FAM13A: variants seen among roughly 807,000 people sequenced by gnomAD.
The protein encoded by FAM13A is protein FAM13A.
In FAM13A, 76 loss-of-function variants were observed where a neutral mutation model predicts 129.6. That is an observed-to-expected ratio of 0.59 (90% CI 0.49 to 0.71). The LOEUF (loss-of-function observed/expected upper bound fraction) is 0.71, where lower values mean the gene tolerates loss of function less well. Among genes scored for constraint, FAM13A ranks in the 30% least tolerant of loss-of-function variants. The pLI, the probability that FAM13A is intolerant of heterozygous loss-of-function variation, is 0.00. For synonymous variants in FAM13A, 443 were observed against 449.9 expected (o/e 0.98, Z 0.20); for missense variants, 1,108 against 1,249.3 (o/e 0.89, Z 1.70).
chr4:88,957,013 C>T (rs1009291846), intron 4 of FAM13A, among the ~76,000 whole-genome samples: 4 of 152,142 alleles, frequency 2.6e-5, no homozygotes, highest in African/African-American at 9.7e-5. Flanking sequence ...ATTCTGAGTT[C>T]ACATGAAATC....
chr4:88,829,454 T>G (rs1226564396), intron 7 of FAM13A, among the ~76,000 whole-genome samples: 1 of 152,146 alleles, frequency 6.6e-6, no homozygotes, highest in Non-Finnish European at 1.5e-5. Context: ...CTTCCTCATA[T>G]TCTTGTCAAT....
chr4:88,887,333 A>G (rs1744586834), intron 6 of FAM13A, among the ~76,000 whole-genome samples: 1 of 152,184 alleles, frequency 6.6e-6, no homozygotes, highest in African/African-American at 2.4e-5. Context: ...CCAATTGAAG[A>G]CAAACTGCAA....
chr4:88,823,260 C>T (rs1274294847), intron 7 of FAM13A: 1 of 1,269,786 alleles, frequency 7.9e-7, no homozygotes, highest in African/African-American at 1.5e-5. Flanking sequence ...CCTTTTGTTC[C>T]AGGGAAGCAG....
intron 4 of FAM13A, among the ~76,000 whole-genome samples, chr4:88,968,684 C>T (rs1456691685): frequency 6.6e-6 from 1 of 151,904 alleles, no homozygotes; most frequent in Non-Finnish European, 1.5e-5. Context: ...CCACTTTCTT[C>T]CTTTTTTTTT....
chr4:88,732,439 A>G lies in FAM13A; in HGVS notation c.2647-241T>C, dbSNP rs116464614. 2.1e-3 allele frequency: 778 copies of G among 367,450 alleles called. 1 individual carries two copies. The highest frequency in any genetic ancestry group is 0.015 in the African/African-American group (733 of 47,832). 22.8% of individuals were successfully genotyped at this position (367,450 alleles called of 1,614,324 possible). On this transcript the variant is annotated intron_variant, in intron 21 of 23. Transcript: ENST00000264344. ...AGAAAACAGACTGCAAAACTATTTT[A>G]AAATGAGTGTACATCATGTTAATAG...
In FAM13A at chr4:89,023,346, C is replaced by T. The variant is rs115086233; in HGVS notation, c.218-2677G>A. Among the ~76,000 whole-genome samples the T allele has an allele frequency of 6.1e-3, 935 of 152,158 alleles. 15 individuals carry two copies. Among genetic ancestry groups the T allele is most frequent in the African/African-American group, 0.021 (890 of 41,498 alleles). ...AAAATTTAGAGTTTTGTTTCCTGTT[C>T]CTATATTTACCCAGCTGCTTAACCT... On this transcript the variant is annotated intron_variant, in intron 2 of 23. Transcript: ENST00000264344.
intron 10 of FAM13A, among the ~76,000 whole-genome samples, chr4:88,781,934 T>C (rs892897012): frequency 6.6e-6 from 1 of 151,418 alleles, no homozygotes; most frequent in Non-Finnish European, 1.5e-5. Context: ...GGCACATGTA[T>C]ACATATGTAA....
chr4:88,748,572 T>C (rs1443292651), intron 17 of FAM13A, among the ~76,000 whole-genome samples: 1 of 152,252 alleles, frequency 6.6e-6, no homozygotes, highest in East Asian at 1.9e-4. Flanking sequence ...TCTGAAAAGA[T>C]GGGAATCTCT....
At chr4:88,745,187 G>A (rs1215101085) in intron 19 of FAM13A, among the ~76,000 whole-genome samples, 1 of 152,110 alleles carries the variant, frequency 6.6e-6, no homozygotes, top group Non-Finnish European at 1.5e-5. Context: ...GTGTGTGTCT[G>A]TAACATCATT....
chr4:88,771,306 T>C (rs1720638350), intron 11 of FAM13A, among the ~76,000 whole-genome samples: 1 of 152,138 alleles, frequency 6.6e-6, no homozygotes. Flanking sequence ...GATAAAGAAA[T>C]AGATCAGTAA....
intron 4 of FAM13A, among the ~76,000 whole-genome samples, chr4:88,940,953 G>C (rs527885157): frequency 2.0e-5 from 3 of 152,314 alleles, no homozygotes; most frequent in East Asian, 1.9e-4. Flanking sequence ...GATACAAAAT[G>C]AAAGGATGAT....
intron 3 of FAM13A, among the ~76,000 whole-genome samples, chr4:89,003,064 G>C (rs1157904701): frequency 1.3e-5 from 2 of 151,990 alleles, no homozygotes; most frequent in Non-Finnish European, 2.9e-5. Flanking sequence ...CAATCTGATG[G>C]AACCCATGGA....
At chr4:89,027,900 C>T (rs917413838) in intron 2 of FAM13A, among the ~76,000 whole-genome samples, 1 of 151,946 alleles carries the variant, frequency 6.6e-6, no homozygotes, top group African/African-American at 2.4e-5. Flanking sequence ...GAAGGCTACA[C>T]CATTTAAAAC....
intron 8 of FAM13A, among the ~76,000 whole-genome samples, chr4:88,801,956 T>G (rs544840870): frequency 6.6e-6 from 1 of 151,794 alleles, no homozygotes; most frequent in South Asian, 2.1e-4. Context: ...CAAACAGAAG[T>G]AGAGCAGCAA....
intron 4 of FAM13A, among the ~76,000 whole-genome samples, chr4:88,965,844 G>A (rs939188987): frequency 1.3e-5 from 2 of 152,184 alleles, no homozygotes; most frequent in Admixed American, 1.3e-4. Context: ...TTAGTTCACT[G>A]AGCATAACGT....
At chr4:88,823,868 G>A (rs1732533893) in intron 7 of FAM13A, among the ~76,000 whole-genome samples, 1 of 151,638 alleles carries the variant, frequency 6.6e-6, no homozygotes, top group Non-Finnish European at 1.5e-5. Flanking sequence ...AGTTCTTAAG[G>A]GATCAGAATC....
At chr4:88,954,050 G>C (rs970733944) in intron 4 of FAM13A, among the ~76,000 whole-genome samples, 1 of 152,056 alleles carries the variant, frequency 6.6e-6, no homozygotes, top group African/African-American at 2.4e-5. Context: ...TAGTGAGTAT[G>C]TTTACTTCTG....
At chr4:88,887,574 A>C (rs1270096001) in intron 6 of FAM13A, among the ~76,000 whole-genome samples, 2 of 137,566 alleles carry the variant, frequency 1.5e-5, no homozygotes, top group African/African-American at 2.8e-5. Context: ...TCTGTTGCCC[A>C]GGCTGGAGTG....
chr4:88,945,040 T>C (rs973684255), intron 4 of FAM13A, among the ~76,000 whole-genome samples: 20 of 152,214 alleles, frequency 1.3e-4, no homozygotes, highest in African/African-American at 4.6e-4. Context: ...TAAACTTATT[T>C]TGCAAACAAA....
Sources: gnomAD v4.1 joint callset for allele counts (sites outside exome capture counted in the v4.1 genomes callset) on GRCh38, gnomAD v4.1.1 for gene constraint, MANE v1.5 for transcripts, NCBI Gene and HGNC (gene_info 2026-07-23, HGNC 2026-07-21) for gene names.